The following OLA1 variants were observed in gnomAD, a reference collection of about 807,000 sequenced individuals.
The protein encoded by OLA1 is Obg like ATPase 1.
In OLA1, 14 loss-of-function variants were observed where a neutral mutation model predicts 48.4. The observed-to-expected ratio is 0.29, with a 90% CI of 0.19 to 0.45. The LOEUF (loss-of-function observed/expected upper bound fraction) is 0.45. Ranked by LOEUF, OLA1 falls within the 20% of genes least tolerant of loss-of-function variation. The pLI is 1.00. For synonymous variants in OLA1, 127 were observed against 150.4 expected (o/e 0.84, Z 1.14); for missense variants, 325 against 467.1 (o/e 0.70, Z 2.80).
chr2:174,079,194 G>C, intron 9 of OLA1, 104 bp from the exon 10 acceptor site: 1 of 873,574 alleles, frequency 1.1e-6, no homozygotes, highest in Non-Finnish European at 1.7e-6. Flanking sequence ...CTAGAACTTA[G>C]TTTAATATCT....
chr2:174,158,761 T>C (rs1467996812), intron 4 of OLA1, among the ~76,000 whole-genome samples: 1 of 152,208 alleles, frequency 6.6e-6, no homozygotes, highest in Non-Finnish European at 1.5e-5. Context: ...ACAGGGGGAC[T>C]ATTGTAATAA....
rs1685877852 is a variant in OLA1 at position 174,119,991 on chromosome 2, T to C, written c.728+3189A>G. The stretch of plus-strand genomic sequence containing the variant: ...CACACACACACACAGTCTGCGTATC[T>C]AAAAGTTTAGTTATATTTTCCAGTT... On this transcript the variant is annotated intron_variant, in intron 7 of 10. Transcript: ENST00000284719. 2.6e-5 allele frequency among the ~76,000 whole-genome samples: 4 copies of C among 151,826 alleles called. No homozygotes were observed. In the South Asian group the frequency reaches 8.3e-4, roughly 31 times the overall value.
intron 4 of OLA1, among the ~76,000 whole-genome samples, chr2:174,171,664 C>T (rs2105406161): frequency 6.6e-6 from 1 of 152,304 alleles, no homozygotes; most frequent in East Asian, 1.9e-4. Context: ...AGAAAACAAC[C>T]TCCAAAATTA....
chr2:174,245,676 C>G (rs1391028791), intron 2 of OLA1, among the ~76,000 whole-genome samples: 1 of 152,094 alleles, frequency 6.6e-6, no homozygotes, highest in Non-Finnish European at 1.5e-5. Flanking sequence ...GGCAGATCAC[C>G]TGAGGTCAGG....
chr2:174,086,943 CTACTGT>C (rs1684990462), intron 7 of OLA1, among the ~76,000 whole-genome samples: 1 of 152,130 alleles, frequency 6.6e-6, no homozygotes, highest in African/African-American at 2.4e-5. Flanking sequence ...ACTTCATTCT[CTACTGT>C]TACTGAGTTT....
At chr2:174,156,689 A>G (rs975718042) in intron 4 of OLA1, among the ~76,000 whole-genome samples, 2 of 144,584 alleles carry the variant, frequency 1.4e-5, no homozygotes, top group Non-Finnish European at 3.0e-5. Context: ...TGTTCAAGCC[A>G]TTCTCCTGCC....
At chr2:174,195,144 T>C (rs868441824) in intron 4 of OLA1, among the ~76,000 whole-genome samples, 11 of 152,238 alleles carry the variant, frequency 7.2e-5, no homozygotes, top group Admixed American at 6.5e-5. Flanking sequence ...TTAAGACTTA[T>C]GGGTCTGTAA....
At chr2:174,099,400 C>T (rs79874094) in intron 7 of OLA1, among the ~76,000 whole-genome samples, 16,911 of 152,224 alleles carry the variant, frequency 0.11, 2,178 homozygotes, top group East Asian at 0.7. Flanking sequence ...ATGATCCGCC[C>T]GCCTTGGCCT....
intron 4 of OLA1, 151 bp from the exon 5 acceptor site, chr2:174,142,151 A>AT (rs1686468169): frequency 3.0e-6 from 2 of 665,560 alleles, no homozygotes; most frequent in Non-Finnish European, 4.9e-6. Context: ...TTTTTCCCCC[A>AT]TTTAGTAATA....
chr2:174,082,181 C>T, intron 7 of OLA1, 117 bp from the exon 8 acceptor site: 1 of 1,114,302 alleles, frequency 9.0e-7, no homozygotes, highest in South Asian at 1.5e-5. Context: ...ATGATGCCAT[C>T]TTTTTGTATA....
At chr2:174,183,084 T>A (rs1335709686) in intron 4 of OLA1, among the ~76,000 whole-genome samples, 1 of 152,134 alleles carries the variant, frequency 6.6e-6, no homozygotes, top group Non-Finnish European at 1.5e-5. Flanking sequence ...TATCACATCT[T>A]TAATAAAATG....
At chr2:174,194,764 C>T (rs903079792) in intron 4 of OLA1, among the ~76,000 whole-genome samples, 115 of 152,202 alleles carry the variant, frequency 7.6e-4, no homozygotes, top group African/African-American at 2.6e-3. Context: ...TTTCTTCTTT[C>T]GATTGCACCC....
At chr2:174,182,679 G>A (rs1687576090) in intron 4 of OLA1, among the ~76,000 whole-genome samples, 1 of 152,152 alleles carries the variant, frequency 6.6e-6, no homozygotes, top group Non-Finnish European at 1.5e-5. Context: ...TAATTAGACA[G>A]AAAATAATTT....
chr2:174,230,459 T>C (rs1688702763), intron 2 of OLA1, among the ~76,000 whole-genome samples: 1 of 152,142 alleles, frequency 6.6e-6, no homozygotes, highest in African/African-American at 2.4e-5. Flanking sequence ...AAACTTAGAA[T>C]AGCACCATTC....
At chr2:174,238,621 G>A (rs780852782) in intron 2 of OLA1, among the ~76,000 whole-genome samples, 8 of 151,982 alleles carry the variant, frequency 5.3e-5, no homozygotes, top group African/African-American at 1.4e-4. Flanking sequence ...CCACCTGTGC[G>A]CACATAAAAT....
intron 4 of OLA1, among the ~76,000 whole-genome samples, chr2:174,178,193 G>T (rs1195774586): frequency 6.6e-6 from 1 of 151,876 alleles, no homozygotes; most frequent in Non-Finnish European, 1.5e-5. Flanking sequence ...TTTCATTAAT[G>T]TTCAGTATTT....
chr2:174,200,048 T>C (rs1378909719), intron 4 of OLA1, among the ~76,000 whole-genome samples: 2 of 152,180 alleles, frequency 1.3e-5, no homozygotes, highest in Admixed American at 6.5e-5. Context: ...ATTTTTGTTT[T>C]AGAAAATGTA....
intron 5 of OLA1, among the ~76,000 whole-genome samples, chr2:174,132,217 T>C (rs1051717336): frequency 6.6e-6 from 1 of 152,146 alleles, no homozygotes; most frequent in Non-Finnish European, 1.5e-5. Context: ...TCGTTCATAA[T>C]GCTAGTTTCG....
chr2:174,206,388 C>CA (rs573133365), intron 4 of OLA1, among the ~76,000 whole-genome samples: 9 of 150,742 alleles, frequency 6.0e-5, no homozygotes, highest in South Asian at 2.1e-4. Flanking sequence ...AACAAACAAA[C>CA]AAAAAAAAAC....
Sources: gnomAD v4.1 joint callset for allele counts (sites outside exome capture counted in the v4.1 genomes callset) on GRCh38, gnomAD v4.1.1 for gene constraint, MANE v1.5 for transcripts, NCBI Gene and HGNC (gene_info 2026-07-23, HGNC 2026-07-21) for gene names.